Variants in TMEM178B observed in about 807,000 individuals in gnomAD.
TMEM178B encodes transmembrane protein 178B.
A neutral mutation model predicts 31.0 loss-of-function variants in TMEM178B; 5 were observed. The ratio of observed to expected loss-of-function variants is 0.16; its 90% confidence interval spans 0.08 to 0.34. The LOEUF (loss-of-function observed/expected upper bound fraction) is 0.34, where lower values mean the gene tolerates loss of function less well. TMEM178B is among the 10% of genes least tolerant of loss of function. The pLI is 1.00. For missense variants in TMEM178B, 275 were observed against 400.3 expected (o/e 0.69, Z 2.67); for synonymous variants, 164 against 164.0 (o/e 1.00, Z 0.00).
intron 1 of TMEM178B, among the ~76,000 whole-genome samples, chr7:141,097,238 G>A (rs1413962673): frequency 4.0e-5 from 6 of 149,354 alleles, no homozygotes; most frequent in South Asian, 4.3e-4. Flanking sequence ...ACATTGTGGC[G>A]GGCGCCTGTA....
chr7:141,249,833 A>G (rs1174494169), intron 2 of TMEM178B, among the ~76,000 whole-genome samples: 1 of 152,228 alleles, frequency 6.6e-6, no homozygotes, highest in Non-Finnish European at 1.5e-5. Flanking sequence ...TTGAAAAGAA[A>G]TTCTGTGTGG....
At chr7:141,212,988 T>A (rs367629172) in intron 2 of TMEM178B, among the ~76,000 whole-genome samples, 2 of 152,248 alleles carry the variant, frequency 1.3e-5, no homozygotes, top group Non-Finnish European at 2.9e-5. Flanking sequence ...CTGGTAGGCA[T>A]GTAAGATTTC....
intron 2 of TMEM178B, among the ~76,000 whole-genome samples, chr7:141,285,645 G>A (rs994860206): frequency 6.6e-6 from 1 of 152,072 alleles, no homozygotes; most frequent in Non-Finnish European, 1.5e-5. Context: ...ACATGCACAC[G>A]TATGTTTATT....
the TMEM178B span, among the ~76,000 whole-genome samples, chr7:141,487,223 A>G: frequency 6.6e-6 from 1 of 152,098 alleles, no homozygotes; most frequent in Non-Finnish European, 1.5e-5. Flanking sequence ...TAAGAGACGG[A>G]CCTACCAAGG....
chr7:141,139,763 G>C (rs1284318169), intron 1 of TMEM178B, among the ~76,000 whole-genome samples: 1 of 149,512 alleles, frequency 6.7e-6, no homozygotes, highest in African/African-American at 2.6e-5. Flanking sequence ...AACTTAGAAT[G>C]AAGTTTTTTT....
intron 3 of TMEM178B, among the ~76,000 whole-genome samples, chr7:141,456,883 G>A (rs140247094): frequency 0.014 from 2,157 of 152,252 alleles, 33 homozygotes; most frequent in Non-Finnish European, 0.022. Context: ...ACAGCTGTAG[G>A]TGCCACTCTC....
chr7:141,246,107 A>C (rs982352601), intron 2 of TMEM178B, among the ~76,000 whole-genome samples: 2 of 152,106 alleles, frequency 1.3e-5, no homozygotes, highest in African/African-American at 4.8e-5. Context: ...ATTTTTGTTC[A>C]AATTTGTTTC....
At chr7:141,314,541 G>A (rs1178428217) in intron 2 of TMEM178B, among the ~76,000 whole-genome samples, 1 of 152,098 alleles carries the variant, frequency 6.6e-6, no homozygotes, top group Non-Finnish European at 1.5e-5. Flanking sequence ...GGCCCCTGTG[G>A]TCTAGCTTCT....
At chr7:141,334,276 G>A (rs1799346750) in intron 2 of TMEM178B, among the ~76,000 whole-genome samples, 1 of 152,188 alleles carries the variant, frequency 6.6e-6, no homozygotes, top group East Asian at 1.9e-4. Flanking sequence ...ATGAGTAGGT[G>A]TCCTTGGGTA....
intron 2 of TMEM178B, among the ~76,000 whole-genome samples, chr7:141,372,583 C>G (rs1427785752): frequency 1.3e-5 from 2 of 152,116 alleles, no homozygotes; most frequent in Non-Finnish European, 2.9e-5. Context: ...CTTCTGCAAC[C>G]CCAGGGGACA....
At chr7:141,348,946 C>T (rs1363387242) in intron 2 of TMEM178B, among the ~76,000 whole-genome samples, 10 of 152,080 alleles carry the variant, frequency 6.6e-5, no homozygotes, top group African/African-American at 2.2e-4. Flanking sequence ...TGGGTAACGG[C>T]GGCAGGGTAT....
intron 2 of TMEM178B, among the ~76,000 whole-genome samples, chr7:141,281,319 T>A (rs1798355807): frequency 6.6e-6 from 1 of 152,042 alleles, no homozygotes; most frequent in African/African-American, 2.4e-5. Flanking sequence ...TAGATTTTTT[T>A]TTTCCTCCTG....
chr7:141,122,161 A>G (rs1795418436), intron 1 of TMEM178B, among the ~76,000 whole-genome samples: 3 of 152,222 alleles, frequency 2.0e-5, no homozygotes, highest in African/African-American at 4.8e-5. Flanking sequence ...AAGGTCTTCT[A>G]TTTAATAAAT....
At chr7:141,361,419 G>T (rs960291110) in intron 2 of TMEM178B, among the ~76,000 whole-genome samples, 1 of 152,182 alleles carries the variant, frequency 6.6e-6, no homozygotes, top group Non-Finnish European at 1.5e-5. Flanking sequence ...AAGCACAGTT[G>T]GGGGAGAGGA....
intron 2 of TMEM178B, among the ~76,000 whole-genome samples, chr7:141,273,091 G>A: frequency 6.6e-6 from 1 of 152,156 alleles, no homozygotes; most frequent in East Asian, 1.9e-4. Flanking sequence ...GTATAAACGT[G>A]GAGAACATAT....
At position 141,402,237 on chromosome 7, in the gene TMEM178B, C is replaced by T. The variant is rs113882365; in HGVS notation, c.497-35371C>T. ...GTTCTGGAGAGAGAAAAATCCATTC[C>T]AGCATGGGAGGGCCAGAAGGCTGCT... On this transcript the variant is annotated intron_variant, in intron 2 of 3. Transcript: ENST00000565468. 6.6e-3 allele frequency among the ~76,000 whole-genome samples: 1,004 copies of T among 152,268 alleles called. 16 individuals are homozygous for T. Among genetic ancestry groups the T allele is most frequent in the South Asian group, 0.032 (156 of 4,814 alleles).
intron 2 of TMEM178B, among the ~76,000 whole-genome samples, chr7:141,267,918 A>G (rs1375468576): frequency 6.6e-6 from 1 of 152,176 alleles, no homozygotes; most frequent in African/African-American, 2.4e-5. Flanking sequence ...TTCCTTAAGT[A>G]TTCTCGAAGT....
chr7:141,198,023 T>A (rs1796812276), intron 1 of TMEM178B, among the ~76,000 whole-genome samples: 1 of 149,494 alleles, frequency 6.7e-6, no homozygotes, highest in African/African-American at 2.5e-5. Context: ...TACAACTCAG[T>A]TCCCCCCAGT....
At chr7:141,456,283 G>C (rs1801961716) in intron 3 of TMEM178B, among the ~76,000 whole-genome samples, 1 of 152,112 alleles carries the variant, frequency 6.6e-6, no homozygotes, top group African/African-American at 2.4e-5. Context: ...ATAGAGATCT[G>C]GTCCTACCCC....
Sources: gnomAD v4.1 joint callset for allele counts (sites outside exome capture counted in the v4.1 genomes callset) on GRCh38, gnomAD v4.1.1 for gene constraint, MANE v1.5 for transcripts, NCBI Gene and HGNC (gene_info 2026-07-23, HGNC 2026-07-21) for gene names.